The following USP40 variants were observed in gnomAD, a reference collection of about 807,000 sequenced individuals.
USP40 encodes the protein ubiquitin specific peptidase 40.
Under a neutral mutation model 166.2 loss-of-function variants are expected in USP40, and 143 were observed. The observed-to-expected ratio is 0.86, with a 90% confidence interval of 0.75 to 0.99. The LOEUF (loss-of-function observed/expected upper bound fraction) is 0.99. Ranked by LOEUF, USP40 falls within the 50% of genes least tolerant of loss-of-function variation. The pLI, the probability that USP40 is intolerant of heterozygous loss-of-function variation, is 0.00. For missense variants in USP40, 1,444 were observed against 1,479.7 expected, an observed-to-expected ratio of 0.98 and a Z score of 0.40; for synonymous variants, 498 against 524.0, an observed-to-expected ratio of 0.95 and a Z score of 0.68.
At chr2:233,492,342 A>G (rs1156623114) in intron 25 of USP40, among the ~76,000 whole-genome samples, 1 of 152,262 alleles carries the variant, frequency 6.6e-6, no homozygotes, top group Non-Finnish European at 1.5e-5. Flanking sequence ...TGATGAAATC[A>G]TCTGACGATG....
At chr2:233,498,667 CGT>C (rs2065884666) in intron 22 of USP40, 55 bp from the exon 23 acceptor site, 2 of 1,442,766 alleles carry the variant, frequency 1.4e-6, no homozygotes, top group East Asian at 2.3e-5. Context: ...TGAGACGTTG[CGT>C]GTAACTTCTA....
chr2:233,500,212 T>C (rs953417587), intron 21 of USP40, among the ~76,000 whole-genome samples: 4 of 152,180 alleles, frequency 2.6e-5, no homozygotes, highest in African/African-American at 9.7e-5. Context: ...CCTGTAAGGA[T>C]TAACTGTGTG....
intron 2 of USP40, among the ~76,000 whole-genome samples, 154 bp from the exon 3 acceptor site, chr2:233,562,957 T>C (rs912046463): frequency 6.6e-5 from 10 of 152,232 alleles, no homozygotes; most frequent in Admixed American, 1.3e-4. Flanking sequence ...TTTACTTTCT[T>C]GTAACATTTT....
chr2:233,533,336 A>G (rs1575306042), intron 11 of USP40, 143 bp downstream of exon 11: 1 of 800,448 alleles, frequency 1.2e-6, no homozygotes, highest in East Asian at 2.7e-5. Context: ...ATTTGGCATA[A>G]TATAGTTCTT....
chr2:233,529,055 G>A (rs564744111), intron 12 of USP40, among the ~76,000 whole-genome samples: 8 of 152,116 alleles, frequency 5.3e-5, no homozygotes, highest in Non-Finnish European at 1.0e-4. Flanking sequence ...ATGCCAGTTC[G>A]CTACAACTAC....
In USP40 at chr2:233,542,310, C is replaced by T. The variant is rs547423924; in HGVS notation, c.1020G>A (p.Glu340=). 3 of 1,560,408 alleles carry T rather than the reference C, an allele frequency of 1.9e-6. No individual in the cohort carries two copies. Among genetic ancestry groups the T allele is most frequent in the South Asian group, 1.2e-5 (1 of 85,020 alleles). ...TTAGAATCATCAGTGGATGATCAAT[C>T]TCTTCTTCACTCTGGAGATCTTTCA... ...VNLKDLQSEE[E]IDHPLMILKA... The change falls in exon 9 of 32, where the codon GAG becomes GAA. Residue 340 remains glutamate (E), a synonymous_variant. Coordinates refer to ENST00000678225, the MANE Select transcript of USP40 (RefSeq NM_001365479.2).
At chr2:233,521,208 G>A (rs1055742782) in intron 16 of USP40, 94 bp from the exon 17 acceptor site, 89 of 1,400,566 alleles carry the variant, frequency 6.4e-5, no homozygotes, top group Non-Finnish European at 8.2e-5. Context: ...CTAATTAGAG[G>A]TGACCAAGTT....
intron 7 of USP40, among the ~76,000 whole-genome samples, chr2:233,549,440 CCT>C (rs2070336000): frequency 6.6e-6 from 1 of 151,950 alleles, no homozygotes; most frequent in African/African-American, 2.4e-5. Flanking sequence ...TCAAATTCTG[CCT>C]CTTAGTTGAC....
intron 20 of USP40, among the ~76,000 whole-genome samples, chr2:233,511,268 T>C (rs1344113884): frequency 6.6e-6 from 1 of 152,146 alleles, no homozygotes; most frequent in Non-Finnish European, 1.5e-5. Flanking sequence ...AGTAATTAAG[T>C]CTAAAATTAA....
intron 8 of USP40, among the ~76,000 whole-genome samples, chr2:233,544,540 C>CA (rs775858364): frequency 1.7e-4 from 26 of 152,282 alleles, no homozygotes; most frequent in African/African-American, 6.0e-4. Flanking sequence ...AACCAGCCTC[C>CA]ATCCTGAGGC....
rs2064186134 is a variant in USP40 at position 233,476,455 on chromosome 2, G to C, written c.*937C>G. On this transcript the variant is annotated 3_prime_UTR_variant, in exon 32 of 32. Transcript: ENST00000678225. Reference sequence around the variant, plus strand: ...TTAAGTTGAATAGAAATCTGGGTTGGATTAAGTGGGAAAACCCTTCCTTAG... The same window carrying C: ...TTAAGTTGAATAGAAATCTGGGTTGCATTAAGTGGGAAAACCCTTCCTTAG... 1 of 152,344 alleles carries C rather than the reference G, an allele frequency of 6.6e-6. No homozygotes were observed. The highest frequency in any genetic ancestry group is 1.5e-5 in the Non-Finnish European group (1 of 68,026). The allele number at this position is 152,344 out of a possible 1,614,324, so 9.4% of individuals were successfully genotyped here.
chr2:233,482,598 T>G (rs546533903), intron 30 of USP40, among the ~76,000 whole-genome samples: 72 of 150,856 alleles, frequency 4.8e-4, no homozygotes, highest in Non-Finnish European at 7.5e-4. Flanking sequence ...TTTTTTTGTT[T>G]TTTTTTTTTT....
In USP40 at chr2:233,533,486, G is replaced by A. The variant is rs2068702429; in HGVS notation, c.1464C>T (p.Pro488=). Reference sequence around the variant, plus strand: ...ACATTTTTCTTTCCATACCTTCAGGGGGTCTCTGCAACTGGGATTTCCGAT... The same window carrying A: ...ACATTTTTCTTTCCATACCTTCAGGAGGTCTCTGCAACTGGGATTTCCGAT... ...LFYRKSQLQR[P]PEARANPRYG... The change falls in exon 11 of 32, where the codon CCC becomes CCT. Residue 488 remains proline, a synonymous_variant. Coordinates refer to ENST00000678225, the MANE Select transcript of USP40 (RefSeq NM_001365479.2). 1.9e-6 allele frequency: 3 copies of A among 1,612,630 alleles called. No homozygotes were observed. Among genetic ancestry groups the A allele is most frequent in the South Asian group, 1.1e-5 (1 of 90,970 alleles).
chr2:233,508,501 T>C (rs1213037803), intron 21 of USP40, among the ~76,000 whole-genome samples: 2 of 152,238 alleles, frequency 1.3e-5, no homozygotes, highest in Non-Finnish European at 2.9e-5. Context: ...TAGAGGCTTA[T>C]TCAGATTCAG....
At chr2:233,482,582 GTTTT>G (rs1203339243) in intron 30 of USP40, among the ~76,000 whole-genome samples, 7 of 137,010 alleles carry the variant, frequency 5.1e-5, no homozygotes, top group South Asian at 2.3e-4. Flanking sequence ...TCCCACTGGA[GTTTT>G]TTTTTTTTGT....
intron 13 of USP40, among the ~76,000 whole-genome samples, chr2:233,526,185 T>C (rs2068013078): frequency 1.3e-5 from 2 of 152,166 alleles, no homozygotes; most frequent in African/African-American, 2.4e-5. Flanking sequence ...AAACTTCTTA[T>C]TTACAAGTGA....
chr2:233,552,343 CT>C (rs892831084), intron 6 of USP40, among the ~76,000 whole-genome samples: 2 of 151,760 alleles, frequency 1.3e-5, no homozygotes, highest in African/African-American at 4.8e-5. Flanking sequence ...GAAAAGACTG[CT>C]TAGGACAAGA....
At chr2:233,511,545 T>C (rs1453269570) in intron 20 of USP40, among the ~76,000 whole-genome samples, 164 bp downstream of exon 20, 3 of 152,248 alleles carry the variant, frequency 2.0e-5, no homozygotes, top group Non-Finnish European at 4.4e-5. Context: ...TAATATTTTA[T>C]ATTTAAACAT....
At position 233,559,892 on chromosome 2, in the gene USP40, C is replaced by T; in HGVS notation, c.300G>A (p.Leu100=). 1 of 1,609,040 alleles carries T rather than the reference C, an allele frequency of 6.2e-7. No individual in the cohort carries two copies. Among genetic ancestry groups the T allele is most frequent in the South Asian group, 1.1e-5 (1 of 89,598 alleles). Residue 100 remains leucine, a synonymous_variant, in exon 4 of 32, where the codon TTG becomes TTA. Transcript: ENST00000678225. ...GGTCTAAGAGCAGAAGCTGAGCAAACAAGCGCTGTAACTGTAAAGGGATGA... is the reference window on the plus strand; with the variant it reads ...GGTCTAAGAGCAGAAGCTGAGCAAATAAGCGCTGTAACTGTAAAGGGATGA... The part of the protein sequence containing the change: ...VRIIPLQLQR[L]FAQLLLLDQE...
Sources: gnomAD v4.1 joint callset for allele counts (sites outside exome capture counted in the v4.1 genomes callset) on GRCh38, gnomAD v4.1.1 for gene constraint, MANE v1.5 for transcripts, NCBI Gene and HGNC (gene_info 2026-07-23, HGNC 2026-07-21) for gene names.